Variants in SNX29 observed in about 807,000 individuals in gnomAD.
SNX29 encodes the protein sorting nexin 29.
In SNX29, 78 loss-of-function variants were observed where a neutral mutation model predicts 102.1. The ratio of observed to expected loss-of-function variants is 0.76; its 90% CI spans 0.64 to 0.92. The LOEUF (loss-of-function observed/expected upper bound fraction) is 0.92, where lower values mean the gene tolerates loss of function less well. Ranked by LOEUF, SNX29 falls within the 40% of genes least tolerant of loss-of-function variation. The probability of loss-of-function intolerance (pLI) is 0.00; values close to 1 mark genes in which losing one functional copy is unlikely to be tolerated. For synonymous variants in SNX29, 580 were observed against 414.5 expected (o/e 1.40, Z -4.85); for missense variants, 1,280 against 1,061.7 (o/e 1.21, Z -2.86).
At chr16:12,091,070 T>C (rs1328900764) in intron 11 of SNX29, among the ~76,000 whole-genome samples, 1 of 103,456 alleles carries the variant, frequency 9.7e-6, no homozygotes, top group East Asian at 2.9e-4. Context: ...GCCTGGAAAA[T>C]AGTAATAATA....
rs2082669979 is a variant in SNX29, at chr16:12,371,202, GA to G, written c.1899+14925del. On this transcript the variant is annotated intron_variant, in intron 16 of 20. Transcript: ENST00000566228. Reference sequence around the variant, plus strand: ...TCAGCCAAGGCTTTTGATAAAGTTGGAAGAACTTCAAGCTCCTTTGGACCAA... The same window carrying G: ...TCAGCCAAGGCTTTTGATAAAGTTGGAGAACTTCAAGCTCCTTTGGACCAA... Among the ~76,000 whole-genome samples, 3 of 152,204 alleles carry G rather than the reference GA, an allele frequency of 2.0e-5. No homozygotes were observed. In the South Asian group the frequency reaches 6.2e-4, roughly 32 times the overall value.
chr16:12,551,654 G>A (rs1001942737), intron 20 of SNX29, among the ~76,000 whole-genome samples: 1 of 152,162 alleles, frequency 6.6e-6, no homozygotes, highest in Non-Finnish European at 1.5e-5. Flanking sequence ...TCTGAGCTTT[G>A]GTTTCCGTTC....
chr16:12,542,269 CATGGAGAA>C (rs2077376190), intron 20 of SNX29, among the ~76,000 whole-genome samples: 1 of 118,418 alleles, frequency 8.4e-6, no homozygotes, highest in African/African-American at 2.7e-5. Context: ...GAAATTGAGG[CATGGAGAA>C]ATGGAGGAAC....
chr16:12,339,201 C>T (rs2081540959), intron 15 of SNX29, among the ~76,000 whole-genome samples: 1 of 151,948 alleles, frequency 6.6e-6, no homozygotes, highest in African/African-American at 2.4e-5. Flanking sequence ...AACCCCGTCT[C>T]TACTAAAAAT....
chr16:12,558,813 C>T (rs538704327), intron 20 of SNX29, among the ~76,000 whole-genome samples: 47 of 152,308 alleles, frequency 3.1e-4, no homozygotes, highest in African/African-American at 1.1e-3. Context: ...ATAAGGGCTC[C>T]CTAGGGGCAG....
chr16:12,565,165 C>CA (rs2078944959), intron 20 of SNX29, among the ~76,000 whole-genome samples: 2 of 152,128 alleles, frequency 1.3e-5, no homozygotes, highest in African/African-American at 2.4e-5. Flanking sequence ...TACATACTCC[C>CA]AGTCCTACCC....
chr16:12,286,700 A>G (rs1183805997), intron 15 of SNX29, among the ~76,000 whole-genome samples: 1 of 152,184 alleles, frequency 6.6e-6, no homozygotes, highest in East Asian at 1.9e-4. Flanking sequence ...ATACAGAAAT[A>G]AAAGTGTAAT....
At chr16:12,258,277 T>C (rs1209482013) in intron 14 of SNX29, among the ~76,000 whole-genome samples, 2 of 152,242 alleles carry the variant, frequency 1.3e-5, no homozygotes, top group African/African-American at 4.8e-5. Context: ...CGTCTCTGTG[T>C]GTACCTTCTT....
intron 18 of SNX29, among the ~76,000 whole-genome samples, chr16:12,419,390 C>G (rs1283241394): frequency 2.6e-5 from 4 of 152,256 alleles, no homozygotes; most frequent in Admixed American, 2.6e-4. Context: ...AGCTGACCAC[C>G]TCATTCTTCT....
intron 20 of SNX29, among the ~76,000 whole-genome samples, chr16:12,539,698 A>G (rs1250701768): frequency 6.6e-6 from 1 of 152,240 alleles, no homozygotes; most frequent in Admixed American, 6.5e-5. Flanking sequence ...GCAGCATGTC[A>G]TACTGTCATG....
intron 11 of SNX29, among the ~76,000 whole-genome samples, chr16:12,118,257 A>G (rs150395610): frequency 1.3e-5 from 2 of 150,346 alleles, no homozygotes; most frequent in African/African-American, 4.9e-5. Flanking sequence ...CTTTAAAGCT[A>G]AAGTGCTCAT....
intron 15 of SNX29, among the ~76,000 whole-genome samples, chr16:12,283,611 C>T (rs1423253857): frequency 6.6e-6 from 1 of 152,160 alleles, no homozygotes; most frequent in East Asian, 1.9e-4. Flanking sequence ...GAGCCACTTG[C>T]AGAGCGACTT....
chr16:12,295,878 G>A (rs1364105798), intron 15 of SNX29, among the ~76,000 whole-genome samples: 1 of 151,786 alleles, frequency 6.6e-6, no homozygotes, highest in African/African-American at 2.4e-5. Context: ...TTTTGACAAA[G>A]ACCAACTTCT....
Position 12,561,345 on chromosome 16 carries a change from TCA to T in SNX29, c.2319-7158_2319-7157del, listed in dbSNP as rs546012745. Among the ~76,000 whole-genome samples the T allele has an allele frequency of 1.0e-3, 156 of 152,228 alleles. 4 individuals are homozygous for T. Among genetic ancestry groups the T allele is most frequent in the Middle Eastern group, 6.8e-3 (2 of 294 alleles). ...AACTGGGTTTTCAAAGTGGTGAGAC[TCA>T]CAGACTTATGAGGGAGCTAGGTCGT... On this transcript the variant is annotated intron_variant, in intron 20 of 20. Transcript: ENST00000566228.
At chr16:12,394,180 A>G (rs2083637610) in intron 16 of SNX29, among the ~76,000 whole-genome samples, 1 of 152,336 alleles carries the variant, frequency 6.6e-6, no homozygotes, top group African/African-American at 2.4e-5. Flanking sequence ...GTGCATCTGT[A>G]TATGTCTACT....
chr16:12,117,696 G>A (rs2053791843), intron 11 of SNX29, among the ~76,000 whole-genome samples: 1 of 152,210 alleles, frequency 6.6e-6, no homozygotes, highest in African/African-American at 2.4e-5. Context: ...GGATAGTAGT[G>A]ATGGTTGCAC....
At chr16:12,224,641 A>G (rs1055121196) in intron 14 of SNX29, among the ~76,000 whole-genome samples, 4 of 152,246 alleles carry the variant, frequency 2.6e-5, no homozygotes, top group Non-Finnish European at 5.9e-5. Flanking sequence ...TCACTGAAGA[A>G]TTCTAAAGAG....
At chr16:12,240,859 G>A (rs1431432886) in intron 14 of SNX29, among the ~76,000 whole-genome samples, 1 of 151,994 alleles carries the variant, frequency 6.6e-6, no homozygotes, top group Non-Finnish European at 1.5e-5. Flanking sequence ...ACCCACCTTG[G>A]CCTGTCAAAG....
Position 12,273,243 on chromosome 16 carries a change from C to G in SNX29, c.1679-4690C>G, listed in dbSNP as rs140859860. Reference sequence around the variant, plus strand: ...CTGCTGGTGGGCCCACACTCTCCAACTCACTTTTTTTCTTAACAGCTTTCT... The same window carrying G: ...CTGCTGGTGGGCCCACACTCTCCAAGTCACTTTTTTTCTTAACAGCTTTCT... On this transcript the variant is annotated intron_variant, in intron 14 of 20. Coordinates refer to ENST00000566228, the MANE Select transcript of SNX29 (RefSeq NM_032167.5). 3.7e-3 allele frequency among the ~76,000 whole-genome samples: 565 copies of G among 152,228 alleles called. 4 individuals carry two copies. The highest frequency in any genetic ancestry group is 0.013 in the African/African-American group (538 of 41,538).
Sources: gnomAD v4.1 joint callset for allele counts (sites outside exome capture counted in the v4.1 genomes callset) on GRCh38, gnomAD v4.1.1 for gene constraint, MANE v1.5 for transcripts, NCBI Gene and HGNC (gene_info 2026-07-23, HGNC 2026-07-21) for gene names.